Variants in EPHA5 observed in about 807,000 individuals in gnomAD.
The protein encoded by EPHA5 is EPH receptor A5.
In EPHA5, 60 loss-of-function variants were observed where a neutral mutation model predicts 105.0. The ratio of observed to expected loss-of-function variants is 0.57; its 90% confidence interval spans 0.46 to 0.71. The LOEUF is 0.71. Among genes scored for constraint, EPHA5 ranks in the 30% least tolerant of loss-of-function variants. The pLI, the probability that EPHA5 is intolerant of heterozygous loss-of-function variation, is 0.00. For missense variants in EPHA5, 1,218 were observed against 1,274.7 expected (o/e 0.96, Z 0.68); for synonymous variants, 513 against 449.1 (o/e 1.14, Z -1.80).
rs2149226689 is a variant in EPHA5, at chr4:65,495,527, G to A, written c.927C>T (p.Phe309=). ...NGTCQVCRPG[F]FKASPHIQSC... ...TCTGGATGTGAGGTGAGGCTTTGAA[G>A]AACCCAGGTCTGCACACTGTCAAAA... The change falls in exon 4 of 17, where the codon TTC becomes TTT. Residue 309 remains phenylalanine (F), a synonymous_variant. Transcript: ENST00000613740. The A allele has an allele frequency of 6.2e-7, 1 of 1,613,578 alleles. No individual in the cohort carries two copies. Among genetic ancestry groups the A allele is most frequent in the Non-Finnish European group, 8.5e-7 (1 of 1,179,694 alleles).
intron 14 of EPHA5, among the ~76,000 whole-genome samples, chr4:65,347,661 T>G (rs1722347501): frequency 6.6e-6 from 1 of 152,188 alleles, no homozygotes; most frequent in South Asian, 2.1e-4. Flanking sequence ...CACTATTAAA[T>G]CAATATCATC....
At chr4:65,455,099 G>A (rs1560554436) in intron 5 of EPHA5, among the ~76,000 whole-genome samples, 1 of 152,056 alleles carries the variant, frequency 6.6e-6, no homozygotes, top group Non-Finnish European at 1.5e-5. Flanking sequence ...TGGGAGCAGT[G>A]GCGGGCGCCT....
chr4:65,590,808 T>A (rs1223782147), intron 3 of EPHA5, among the ~76,000 whole-genome samples: 1 of 152,162 alleles, frequency 6.6e-6, no homozygotes, highest in Non-Finnish European at 1.5e-5. Flanking sequence ...TAGCATATTA[T>A]TCCTAATAAG....
intron 8 of EPHA5, among the ~76,000 whole-genome samples, chr4:65,392,666 C>T (rs920163992): frequency 1.3e-5 from 2 of 152,030 alleles, no homozygotes; most frequent in Admixed American, 6.6e-5. Context: ...ATTGCATTTA[C>T]TTTGTGATGG....
intron 8 of EPHA5, among the ~76,000 whole-genome samples, chr4:65,382,570 C>T (rs1383934755): frequency 6.6e-6 from 1 of 151,804 alleles, no homozygotes; most frequent in Non-Finnish European, 1.5e-5. Flanking sequence ...TAAACATTTA[C>T]TGAGAATCTA....
intron 16 of EPHA5, 62 bp from the exon 17 acceptor site, chr4:65,324,281 A>G (rs1719872883): frequency 8.4e-7 from 1 of 1,183,712 alleles, no homozygotes; most frequent in Non-Finnish European, 1.2e-6. Flanking sequence ...TCAATATTTC[A>G]TGTTGGCAAA....
At chr4:65,517,821 A>G (rs1734255469) in intron 3 of EPHA5, among the ~76,000 whole-genome samples, 1 of 151,946 alleles carries the variant, frequency 6.6e-6, no homozygotes, top group Non-Finnish European at 1.5e-5. Context: ...CCTTTCCAAA[A>G]AAGTTTTTCA....
At chr4:65,344,534 C>G (rs1324235232) in intron 14 of EPHA5, among the ~76,000 whole-genome samples, 1 of 152,138 alleles carries the variant, frequency 6.6e-6, no homozygotes, top group Non-Finnish European at 1.5e-5. Flanking sequence ...TTCAAAATAT[C>G]TCAAGTGTGA....
chr4:65,331,912 G>A, intron 16 of EPHA5, 61 bp downstream of exon 16: 1 of 1,549,840 alleles, frequency 6.5e-7, no homozygotes, highest in Non-Finnish European at 8.7e-7. Context: ...ATCCAGATTG[G>A]TTTTTGAACA....
intron 16 of EPHA5, among the ~76,000 whole-genome samples, chr4:65,328,054 A>T (rs1449774465): frequency 1.3e-5 from 2 of 151,218 alleles, no homozygotes; most frequent in African/African-American, 4.8e-5. Context: ...AGAAAATTTT[A>T]TAGCTACACA....
At chr4:65,567,606 A>G (rs1042428266) in intron 3 of EPHA5, among the ~76,000 whole-genome samples, 4 of 151,616 alleles carry the variant, frequency 2.6e-5, no homozygotes, top group African/African-American at 9.7e-5. Context: ...TAAAAATGCC[A>G]TACTCTTTAA....
At chr4:65,372,451 G>A (rs1429835940) in intron 8 of EPHA5, among the ~76,000 whole-genome samples, 1 of 151,812 alleles carries the variant, frequency 6.6e-6, no homozygotes, top group African/African-American at 2.4e-5. Context: ...AGTCTTGCTA[G>A]CAAAACTGTG....
At chr4:65,520,414 CATAA>C (rs1734572464) in intron 3 of EPHA5, among the ~76,000 whole-genome samples, 1 of 152,010 alleles carries the variant, frequency 6.6e-6, no homozygotes. Context: ...AGACTAAAAC[CATAA>C]AAACCCTAGA....
chr4:65,451,971 T>G (rs559277437), intron 5 of EPHA5, among the ~76,000 whole-genome samples: 1 of 152,312 alleles, frequency 6.6e-6, no homozygotes, highest in Admixed American at 6.5e-5. Flanking sequence ...AAAGTCATAT[T>G]ATCTTGTTAG....
chr4:65,399,596 C>T (rs1721610816), intron 8 of EPHA5, among the ~76,000 whole-genome samples: 1 of 152,182 alleles, frequency 6.6e-6, no homozygotes, highest in Admixed American at 6.5e-5. Flanking sequence ...ATATTTTTGG[C>T]TTTTTTGTTT....
chr4:65,408,251 A>T (rs992511075), intron 7 of EPHA5, among the ~76,000 whole-genome samples: 19 of 152,112 alleles, frequency 1.2e-4, no homozygotes, highest in African/African-American at 4.3e-4. Context: ...ATTTAGGTCA[A>T]GTAGGAGATA....
At chr4:65,512,441 G>T (rs577553323) in intron 3 of EPHA5, among the ~76,000 whole-genome samples, 2 of 152,096 alleles carry the variant, frequency 1.3e-5, no homozygotes, top group Non-Finnish European at 2.9e-5. Context: ...GGTGGGAGGC[G>T]ATTGGATGAT....
chr4:65,344,135 T>G (rs1721996392), intron 14 of EPHA5, among the ~76,000 whole-genome samples: 1 of 152,050 alleles, frequency 6.6e-6, no homozygotes, highest in Non-Finnish European at 1.5e-5. Flanking sequence ...CCACAAAGAG[T>G]AGTGTCATTG....
intron 14 of EPHA5, among the ~76,000 whole-genome samples, chr4:65,337,994 C>T (rs975820244): frequency 6.6e-6 from 1 of 151,838 alleles, no homozygotes. Context: ...ATAAGGCAAA[C>T]TCCAGGAGAA....
Sources: allele counts gnomAD v4.1 joint callset (sites outside exome capture counted in the v4.1 genomes callset), GRCh38; gene constraint gnomAD v4.1.1; transcripts MANE v1.5; gene names NCBI Gene and HGNC (gene_info 2026-07-23, HGNC 2026-07-21).